FAM20C: variants seen among roughly 807,000 people sequenced by gnomAD.
FAM20C encodes extracellular serine/threonine protein kinase FAM20C.
In FAM20C, 40 loss-of-function variants were observed where a neutral mutation model predicts 51.5. The observed-to-expected ratio is 0.78, with a 90% CI of 0.60 to 1.01. FAM20C has a LOEUF of 1.01. Ranked by LOEUF, FAM20C falls within the 50% of genes least tolerant of loss-of-function variation. The probability of loss-of-function intolerance (pLI) is 0.00; values close to 1 mark genes in which losing one functional copy is unlikely to be tolerated. For missense variants in FAM20C, 861 were observed against 844.7 expected (o/e 1.02, Z -0.24); for synonymous variants, 406 against 380.6 (o/e 1.07, Z -0.78).
intron 3 of FAM20C, among the ~76,000 whole-genome samples, chr7:212,189 A>G (rs1786752934): frequency 6.6e-6 from 1 of 152,246 alleles, no homozygotes; most frequent in African/African-American, 2.4e-5. Flanking sequence ...AAGGCCGGGC[A>G]CACTGGCTCG....
intron 2 of FAM20C, among the ~76,000 whole-genome samples, chr7:202,427 G>A (rs1265194082): frequency 6.9e-6 from 1 of 144,120 alleles, no homozygotes; most frequent in Non-Finnish European, 1.5e-5. Context: ...TGACTGCTGG[G>A]TGGGATTGTA....
intron 8 of FAM20C, among the ~76,000 whole-genome samples, chr7:257,817 C>T (rs36178899): frequency 0.074 from 3,706 of 50,066 alleles, 169 homozygotes; most frequent in Middle Eastern, 0.097. Flanking sequence ...ACCCACTGCC[C>T]GGGGTGCTGG....
At chr7:206,255 C>T (rs971754863) in intron 2 of FAM20C, among the ~76,000 whole-genome samples, 21 of 152,328 alleles carry the variant, frequency 1.4e-4, no homozygotes, top group Middle Eastern at 3.4e-3. Context: ...AAACCACCAC[C>T]GTCTCCTGCA....
intron 3 of FAM20C, among the ~76,000 whole-genome samples, chr7:209,475 T>C (rs1274937339): frequency 6.6e-6 from 1 of 152,216 alleles, no homozygotes; most frequent in Non-Finnish European, 1.5e-5. Context: ...TGAGTTCTAA[T>C]AAGTCTTCAT....
At chr7:229,108 C>T (rs779734094) in intron 3 of FAM20C, 39 of 342,564 alleles carry the variant, frequency 1.1e-4, no homozygotes, top group Non-Finnish European at 2.1e-4. Context: ...AATGTCCCAC[C>T]CAGGAGGGGC....
In FAM20C at chr7:241,233, G is replaced by A. The variant is rs967256757; in HGVS notation, c.864-5182G>A. Among the ~76,000 whole-genome samples the A allele has an allele frequency of 4.8e-3, 728 of 152,306 alleles. 6 individuals are homozygous for A. Among genetic ancestry groups the A allele is most frequent in the African/African-American group, 0.016 (654 of 41,564 alleles). ...AGCTGTGGCAGGAAGTGGCCCGAGGGCCTCGGGAGCGGAGCCCAGAGTAGA... is the reference window on the plus strand; with the variant it reads ...AGCTGTGGCAGGAAGTGGCCCGAGGACCTCGGGAGCGGAGCCCAGAGTAGA... On this transcript the variant is annotated intron_variant, in intron 3 of 9. Transcript: ENST00000313766.
intron 3 of FAM20C, among the ~76,000 whole-genome samples, chr7:216,737 C>G (rs1787002654): frequency 6.6e-6 from 1 of 151,366 alleles, no homozygotes; most frequent in African/African-American, 2.4e-5. Flanking sequence ...CCGTCTACGT[C>G]TCCCAAAGAG....
rs1171751283 is a variant in FAM20C, at chr7:231,095, C to T, written c.864-15320C>T. Reference sequence around the variant, plus strand: ...GCCAGGGTGGTCCAGGCCAGGGCAGCGAGTACAGAGGCAGGAGCAGCAGCC... The same window carrying T: ...GCCAGGGTGGTCCAGGCCAGGGCAGTGAGTACAGAGGCAGGAGCAGCAGCC... On this transcript the variant is annotated intron_variant, in intron 3 of 9. Transcript: ENST00000313766. Among the ~76,000 whole-genome samples the T allele has an allele frequency of 3.9e-5, 6 of 152,184 alleles. 1 individual carries two copies. Among genetic ancestry groups the T allele is most frequent in the Admixed American group, 6.5e-5 (1 of 15,290 alleles).
In FAM20C at chr7:260,105, G is replaced by C; in HGVS notation, c.*125G>C. 1 of 1,301,276 alleles carries C rather than the reference G, an allele frequency of 7.7e-7. No homozygotes were observed. The highest frequency in any genetic ancestry group is 1.5e-5 in the African/African-American group (1 of 66,904). 80.6% of individuals were successfully genotyped at this position (1,301,276 alleles called of 1,614,324 possible). A position where few individuals can be genotyped will look rare whatever the true frequency, so the allele number is the denominator to read the frequency against. On this transcript the variant is annotated 3_prime_UTR_variant, in exon 10 of 10. Transcript: ENST00000313766. ...ACGGGATCATCCGGAGTCGGGAGCT[G>C]CTGCCACAGGAGGCGAGGCTCCCCA...
At chr7:214,001 G>C (rs1399557068) in intron 3 of FAM20C, among the ~76,000 whole-genome samples, 1 of 152,200 alleles carries the variant, frequency 6.6e-6, no homozygotes, top group Non-Finnish European at 1.5e-5. Flanking sequence ...ATTTTGTTCA[G>C]TTGGGGTATT....
chr7:199,819 T>C (rs764303911), intron 2 of FAM20C, among the ~76,000 whole-genome samples: 2 of 152,148 alleles, frequency 1.3e-5, no homozygotes, highest in South Asian at 4.1e-4. Context: ...TGGCGATAAT[T>C]AAATTTCTAT....
intron 5 of FAM20C, among the ~76,000 whole-genome samples, chr7:252,570 C>T (rs138993305): frequency 2.2e-3 from 335 of 152,330 alleles, no homozygotes; most frequent in Middle Eastern, 0.01. Context: ...GACACCCCCT[C>T]GGCCTCCCGT....
intron 3 of FAM20C, among the ~76,000 whole-genome samples, chr7:210,859 T>C (rs1349552083): frequency 6.6e-6 from 1 of 152,106 alleles, no homozygotes; most frequent in Non-Finnish European, 1.5e-5. Flanking sequence ...GCCGCTGCTC[T>C]AACCCAGGCC....
At chr7:246,212 C>G (rs143943580) in intron 3 of FAM20C, 3 of 482,884 alleles carry the variant, frequency 6.2e-6, no homozygotes, top group Non-Finnish European at 1.1e-5. Flanking sequence ...CTGGGACCCC[C>G]GGCCTCCGTC....
At chr7:250,974 C>T (rs970269131) in intron 5 of FAM20C, among the ~76,000 whole-genome samples, 6 of 152,214 alleles carry the variant, frequency 3.9e-5, no homozygotes, top group Non-Finnish European at 7.3e-5. Context: ...GGTTCAGGAC[C>T]GATTGAAAGA....
chr7:227,136 A>G lies in FAM20C; in HGVS notation c.863+18160A>G, dbSNP rs1787478873. Among the ~76,000 whole-genome samples, 3 of 151,850 alleles carry G rather than the reference A, an allele frequency of 2.0e-5. No homozygotes were observed. The South Asian group carries it at 6.2e-4, about 32-fold the overall frequency. ...TCAAGGAAAGTCATTTTTTTTTTCC[A>G]AAAGCATTCCCCAGAACGGCAATAT... On this transcript the variant is annotated intron_variant, in intron 3 of 9. Coordinates refer to ENST00000313766, the MANE Select transcript of FAM20C (RefSeq NM_020223.4).
At chr7:237,546 C>A (rs1234019202) in intron 3 of FAM20C, among the ~76,000 whole-genome samples, 3 of 151,184 alleles carry the variant, frequency 2.0e-5, no homozygotes, top group African/African-American at 7.3e-5. Context: ...ATGACGGTTA[C>A]GTTGGTGGTG....
At chr7:234,117 C>T (rs920044299) in intron 3 of FAM20C, among the ~76,000 whole-genome samples, 10 of 152,228 alleles carry the variant, frequency 6.6e-5, no homozygotes, top group Non-Finnish European at 1.3e-4. Context: ...GAGGCCGTCC[C>T]GGCAAGTGGA....
rs181972793 is a variant in FAM20C, at chr7:226,249, G to A, written c.863+17273G>A. 2.4e-4 allele frequency among the ~76,000 whole-genome samples: 37 copies of A among 152,260 alleles called. 1 individual carries two copies. The highest frequency in any genetic ancestry group is 7.7e-4 in the African/African-American group (32 of 41,552). ...CACCCCATGTCCCACCACAGAGGAC[G>A]GATTCCCTTCCTCTGCCTCGTGACC... On this transcript the variant is annotated intron_variant, in intron 3 of 9. Transcript: ENST00000313766.
Sources: gnomAD v4.1 joint callset for allele counts (sites outside exome capture counted in the v4.1 genomes callset) on GRCh38, gnomAD v4.1.1 for gene constraint, MANE v1.5 for transcripts, NCBI Gene and HGNC (gene_info 2026-07-23, HGNC 2026-07-21) for gene names.